EYS: variants seen among roughly 807,000 people sequenced by gnomAD.
The protein encoded by EYS is protein eyes shut homolog.
Under a neutral mutation model 282.1 loss-of-function variants are expected in EYS, and 250 were observed. That is an observed-to-expected ratio of 0.89 (90% CI 0.80 to 0.98). The LOEUF (loss-of-function observed/expected upper bound fraction) is 0.98. Ranked by LOEUF, EYS falls within the 50% of genes least tolerant of loss-of-function variation. The pLI, the probability that EYS is intolerant of heterozygous loss-of-function variation, is 0.00. For missense variants in EYS, 4,016 were observed against 3,709.0 expected, an observed-to-expected ratio of 1.08 and a Z score of -2.15; for synonymous variants, 1,355 against 1,282.9, an observed-to-expected ratio of 1.06 and a Z score of -1.20.
chr6:64,344,722 C>G (rs986873149), intron 29 of EYS, among the ~76,000 whole-genome samples: 1 of 151,726 alleles, frequency 6.6e-6, no homozygotes, highest in Non-Finnish European at 1.5e-5. Context: ...GAGAAGGAAA[C>G]AAAGGGCATT....
At chr6:65,460,214 A>G (rs1451652365) in intron 5 of EYS, among the ~76,000 whole-genome samples, 1 of 150,932 alleles carries the variant, frequency 6.6e-6, no homozygotes, top group Non-Finnish European at 1.5e-5. Context: ...TTTCCTCCCT[A>G]GAGATAATCA....
At chr6:65,356,721 T>C (rs182362463) in intron 8 of EYS, among the ~76,000 whole-genome samples, 2 of 152,176 alleles carry the variant, frequency 1.3e-5, no homozygotes, top group Admixed American at 1.3e-4. Flanking sequence ...TTAATACCTT[T>C]TTAAAATTAT....
chr6:65,154,725 A>G (rs1161387025), intron 12 of EYS, among the ~76,000 whole-genome samples: 4 of 151,528 alleles, frequency 2.6e-5, no homozygotes, highest in African/African-American at 9.7e-5. Flanking sequence ...CTGCTTGATT[A>G]CTAGAGCAGA....
chr6:64,854,967 T>A (rs964726686), intron 19 of EYS, among the ~76,000 whole-genome samples: 14 of 152,192 alleles, frequency 9.2e-5, no homozygotes, highest in African/African-American at 2.7e-4. Flanking sequence ...ACAGTTTTTT[T>A]AAATATCATT....
At chr6:65,000,086 G>A (rs967480420) in intron 13 of EYS, among the ~76,000 whole-genome samples, 15 of 152,128 alleles carry the variant, frequency 9.9e-5, no homozygotes, top group Admixed American at 2.0e-4. Context: ...AACTAAATGA[G>A]CACCCTGTAA....
intron 30 of EYS, among the ~76,000 whole-genome samples, chr6:64,272,178 A>G (rs897620616): frequency 2.0e-5 from 3 of 152,210 alleles, no homozygotes; most frequent in Non-Finnish European, 4.4e-5. Flanking sequence ...GTCTTTGCAC[A>G]TGAGGTGGGT....
At chr6:63,828,793 AC>A (rs1771543328) in intron 36 of EYS, among the ~76,000 whole-genome samples, 1 of 152,202 alleles carries the variant, frequency 6.6e-6, no homozygotes, top group African/African-American at 2.4e-5. Flanking sequence ...CCATAATAAA[AC>A]AAATTTTAAA....
intron 12 of EYS, among the ~76,000 whole-genome samples, chr6:65,093,068 C>A (rs1774621876): frequency 6.6e-6 from 1 of 152,018 alleles, no homozygotes; most frequent in Non-Finnish European, 1.5e-5. Flanking sequence ...ACATCACATA[C>A]AAGCAACCCT....
At chr6:65,604,130 C>T (rs1765702142) in intron 2 of EYS, among the ~76,000 whole-genome samples, 1 of 151,848 alleles carries the variant, frequency 6.6e-6, no homozygotes, top group South Asian at 2.1e-4. Context: ...CCAGTTTTCT[C>T]TTACATAGTT....
In EYS at chr6:64,407,733, T is replaced by C. The variant is rs138010994; in HGVS notation, c.5928-18893A>G. ...ATATGTGTATGTATGCACACATTAT[T>C]ATCATTATTATTTTAGAGGTGGAGT... On this transcript the variant is annotated intron_variant, in intron 28 of 42. Transcript: ENST00000503581. Among the ~76,000 whole-genome samples the C allele has an allele frequency of 3.0e-3, 452 of 152,276 alleles. 3 individuals are homozygous for C. Among genetic ancestry groups the C allele is most frequent in the African/African-American group, 0.01 (422 of 41,564 alleles).
Position 64,198,962 on chromosome 6 carries a change from A to G in EYS, c.6424+31630T>C, listed in dbSNP as rs534200037. Among the ~76,000 whole-genome samples the G allele has an allele frequency of 3.3e-5, 5 of 152,242 alleles. No individual in the cohort carries two copies. In the East Asian group the frequency reaches 5.8e-4, roughly 18 times the overall value. ...CCACCAACAGTGTAAAAGCGTTCCT[A>G]TTTCTCTACATCCTCTCCAGCATCT... On this transcript the variant is annotated intron_variant, in intron 31 of 42. Transcript: ENST00000503581.
At chr6:64,109,490 C>T (rs1285086593) in intron 31 of EYS, among the ~76,000 whole-genome samples, 1 of 151,972 alleles carries the variant, frequency 6.6e-6, no homozygotes, top group Non-Finnish European at 1.5e-5. Context: ...ATCACAAATG[C>T]AATGCCACTG....
In EYS at chr6:64,470,510, G is replaced by T. The variant is rs191318737; in HGVS notation, c.5645-31158C>A. Among the ~76,000 whole-genome samples the T allele has an allele frequency of 2.0e-3, 309 of 152,252 alleles. 1 individual carries two copies. The highest frequency in any genetic ancestry group is 6.9e-3 in the African/African-American group (287 of 41,556). On this transcript the variant is annotated intron_variant, in intron 26 of 42. Coordinates refer to ENST00000503581, the MANE Select transcript of EYS (RefSeq NM_001142800.2). ...ATCTTCAACCACAGACTAGATCGGGGTGTCCAATCTTTTGCCCTGGTTTAC... is the reference window on the plus strand; with the variant it reads ...ATCTTCAACCACAGACTAGATCGGGTTGTCCAATCTTTTGCCCTGGTTTAC...
chr6:64,927,751 A>G (rs941281837), intron 15 of EYS, among the ~76,000 whole-genome samples: 2 of 152,154 alleles, frequency 1.3e-5, no homozygotes, highest in Admixed American at 1.3e-4. Flanking sequence ...TAATATCAGT[A>G]TATCATCTGG....
At chr6:64,286,417 A>G (rs900202445) in intron 30 of EYS, among the ~76,000 whole-genome samples, 1 of 152,156 alleles carries the variant, frequency 6.6e-6, no homozygotes. Flanking sequence ...TTTCTTACAG[A>G]GTCAATTGAG....
chr6:65,484,238 A>T (rs183731602), intron 5 of EYS, among the ~76,000 whole-genome samples: 1 of 152,156 alleles, frequency 6.6e-6, no homozygotes, highest in Admixed American at 6.5e-5. Flanking sequence ...AGAAGACAGA[A>T]TATTGCTGAA....
Position 64,439,317 on chromosome 6 carries a change from G to A in EYS, c.5680C>T (p.Leu1894=), listed in dbSNP as rs1406930432. The A allele has an allele frequency of 6.6e-7, 1 of 1,513,844 alleles. No homozygotes were observed. The highest frequency in any genetic ancestry group is 1.3e-5 in the South Asian group (1 of 75,244). 93.8% of individuals were successfully genotyped at this position (1,513,844 alleles called of 1,614,324 possible). The part of the protein sequence containing the change: ...SCVRYYGDSY[L]EFQNVALNPQ... ...TTTAAAGCCACATTCTGAAATTCTA[G>A]ATAAGAATCTCCATAATAACGAACA... The change falls in exon 27 of 43, where the codon CTA becomes TTA. Residue 1894 remains leucine, a synonymous_variant. Coordinates refer to ENST00000503581, the MANE Select transcript of EYS (RefSeq NM_001142800.2).
chr6:64,691,001 A>G (rs1770360945), intron 22 of EYS, among the ~76,000 whole-genome samples: 1 of 152,054 alleles, frequency 6.6e-6, no homozygotes, highest in Non-Finnish European at 1.5e-5. Flanking sequence ...TAAAAATAAT[A>G]AAAAGTAAAA....
intron 31 of EYS, among the ~76,000 whole-genome samples, chr6:64,199,784 G>C (rs1765406123): frequency 6.6e-6 from 1 of 152,144 alleles, no homozygotes; most frequent in Non-Finnish European, 1.5e-5. Flanking sequence ...CTTCTCAAAA[G>C]AAGACATTTA....
Sources: gnomAD v4.1 joint callset for allele counts (sites outside exome capture counted in the v4.1 genomes callset) on GRCh38, gnomAD v4.1.1 for gene constraint, MANE v1.5 for transcripts, NCBI Gene and HGNC (gene_info 2026-07-23, HGNC 2026-07-21) for gene names.